The following RNF4 variants were observed in gnomAD, a reference collection of about 807,000 sequenced individuals.
RNF4 encodes the protein E3 ubiquitin-protein ligase RNF4.
Under a neutral mutation model 24.3 loss-of-function variants are expected in RNF4, and 7 were observed. The ratio of observed to expected loss-of-function variants is 0.29; its 90% confidence interval spans 0.16 to 0.54. The LOEUF is 0.54. Ranked by LOEUF, RNF4 falls within the 20% of genes least tolerant of loss-of-function variation. The pLI is 0.95. For missense variants in RNF4, 209 were observed against 248.5 expected, an observed-to-expected ratio of 0.84 and a Z score of 1.07; for synonymous variants, 83 against 84.3, an observed-to-expected ratio of 0.98 and a Z score of 0.09.
At chr4:2,495,181 C>T (rs547298384) in intron 2 of RNF4, among the ~76,000 whole-genome samples, 2 of 152,264 alleles carry the variant, frequency 1.3e-5, no homozygotes, top group South Asian at 4.1e-4. Flanking sequence ...GTTCTGTGCT[C>T]CTTAGTCCGT....
At chr4:2,504,587 G>A (rs562545872) in intron 4 of RNF4, among the ~76,000 whole-genome samples, 1 of 150,900 alleles carries the variant, frequency 6.6e-6, no homozygotes, top group African/African-American at 2.4e-5. Flanking sequence ...GTCTTGCACT[G>A]TTACCCAGGC....
intron 3 of RNF4, among the ~76,000 whole-genome samples, chr4:2,498,597 A>T (rs562820700): frequency 1.8e-4 from 27 of 152,344 alleles, no homozygotes; most frequent in Non-Finnish European, 3.8e-4. Context: ...CTTTTTAATA[A>T]AGAATGCAAT....
intron 1 of RNF4, among the ~76,000 whole-genome samples, chr4:2,482,363 A>G (rs1735268838): frequency 6.6e-6 from 1 of 152,222 alleles, no homozygotes. Flanking sequence ...CTCAGTGGCC[A>G]TCAACACCAG....
In RNF4 at chr4:2,497,046, C is replaced by G; in HGVS notation, c.49C>G (p.Gln17Glu). ...RGGAINSRQA[Q>E]KRTREATSTP... is the part of the protein sequence containing the mutation. ...TGGAGCAATAAATTCTAGACAAGCTCAGAAGCGAACTCGGGAAGCAACCTC... is the reference window on the plus strand; with the variant it reads ...TGGAGCAATAAATTCTAGACAAGCTGAGAAGCGAACTCGGGAAGCAACCTC... The change falls in exon 3 of 8, where the codon CAG becomes GAG. Residue 17 changes from glutamine to glutamate, a missense_variant. This residue lies in a region of RNF4 where 182 missense variants were observed against 197.2 expected (regional missense o/e 0.92). Coordinates refer to ENST00000314289, the MANE Select transcript of RNF4 (RefSeq NM_002938.5). 6.2e-7 allele frequency: 1 copy of G among 1,608,108 alleles called. No individual in the cohort carries two copies. Among genetic ancestry groups the G allele is most frequent in the Non-Finnish European group, 8.5e-7 (1 of 1,177,410 alleles).
intron 4 of RNF4, among the ~76,000 whole-genome samples, chr4:2,501,038 A>G (rs1478873179): frequency 1.3e-5 from 2 of 152,230 alleles, no homozygotes; most frequent in African/African-American, 4.8e-5. Context: ...ACACCTGGGC[A>G]CAAAAGTGGT....
At position 2,484,067 on chromosome 4, in the gene RNF4, T is replaced by TCCCCAC. The variant is rs1553877532; in HGVS notation, c.-157-6266_-157-6265insACCCCC. ...GTCTCGAACTCCTGGCCTCAGGTGA[T>TCCCCAC]CCCCCCCCGCCTCGGCCTCCCAAAG... On this transcript the variant is annotated intron_variant, in intron 1 of 7. Coordinates refer to ENST00000314289, the MANE Select transcript of RNF4 (RefSeq NM_002938.5). Among the ~76,000 whole-genome samples, 98 of 13,282 alleles carry TCCCCAC rather than the reference T, an allele frequency of 7.4e-3. 34 individuals carry two copies. Among genetic ancestry groups the TCCCCAC allele is most frequent in the African/African-American group, 0.027 (82 of 3,058 alleles). The allele number at this position is 13,282 out of a possible 152,430, so 8.7% of individuals were successfully genotyped here. A position where few individuals can be genotyped will look rare whatever the true frequency, so the allele number is the denominator to read the frequency against.
At chr4:2,513,517 C>T (rs956156838) in intron 7 of RNF4, among the ~76,000 whole-genome samples, 153 bp from the exon 8 acceptor site, 18 of 152,214 alleles carry the variant, frequency 1.2e-4, no homozygotes, top group Non-Finnish European at 2.4e-4. Context: ...CCACAGCAGA[C>T]ACAGTTAGCT....
chr4:2,513,078 C>T lies in RNF4; in HGVS notation c.375-5C>T. ...AGAAACTAACGTGAAGCACTGTGCT[C>T]TTAGGCCCTCAGGTACTGTCAGTTG... On this transcript the variant is annotated splice_polypyrimidine_tract_variant and splice_region_variant and intron_variant, in intron 6 of 7. Transcript: ENST00000314289. 6.2e-7 allele frequency: 1 copy of T among 1,613,740 alleles called. No individual in the cohort carries two copies. Among genetic ancestry groups the T allele is most frequent in the Admixed American group, 1.7e-5 (1 of 60,008 alleles).
chr4:2,475,331 T>G (rs964692901), intron 1 of RNF4, among the ~76,000 whole-genome samples: 5 of 146,502 alleles, frequency 3.4e-5, no homozygotes, highest in African/African-American at 1.0e-4. Flanking sequence ...GCACCTGGCT[T>G]TTTGTTTGTT....
intron 4 of RNF4, among the ~76,000 whole-genome samples, chr4:2,508,792 A>T (rs1464042518): frequency 1.3e-5 from 2 of 148,850 alleles, no homozygotes; most frequent in Non-Finnish European, 3.0e-5. Flanking sequence ...TTGTGTTTTT[A>T]GTAGAGGCGG....
chr4:2,473,440 GGGTGACTTTGA>G (rs1370676632), intron 1 of RNF4, among the ~76,000 whole-genome samples: 1 of 152,152 alleles, frequency 6.6e-6, no homozygotes, highest in Non-Finnish European at 1.5e-5. Context: ...TGACCCTCAT[GGGTGACTTTGA>G]GGGGTTCTAG....
intron 4 of RNF4, among the ~76,000 whole-genome samples, chr4:2,502,485 A>G (rs1027723307): frequency 6.6e-6 from 1 of 152,122 alleles, no homozygotes; most frequent in African/African-American, 2.4e-5. Flanking sequence ...GGAGTTTGAC[A>G]TCAGCCTGGC....
At chr4:2,504,017 G>C (rs569061030) in intron 4 of RNF4, among the ~76,000 whole-genome samples, 29 of 152,222 alleles carry the variant, frequency 1.9e-4, no homozygotes, top group African/African-American at 6.7e-4. Flanking sequence ...AGGAGTTCAA[G>C]GCAAGCCTGG....
intron 6 of RNF4, 77 bp from the exon 7 acceptor site, chr4:2,513,005 TA>T (rs936230656): frequency 4.4e-6 from 6 of 1,363,832 alleles, no homozygotes; most frequent in African/African-American, 4.3e-5. Context: ...TTGTAGGGGA[TA>T]GGGGCCACTC....
intron 1 of RNF4, among the ~76,000 whole-genome samples, chr4:2,470,662 A>T (rs1315711660): frequency 6.6e-6 from 1 of 152,226 alleles, no homozygotes; most frequent in East Asian, 1.9e-4. Flanking sequence ...AAAATGAGTA[A>T]GATTTTTCAC....
chr4:2,512,661 C>G lies in RNF4; in HGVS notation c.374+64C>G, dbSNP rs1245517213. On this transcript the variant is annotated intron_variant, in intron 6 of 7. Transcript: ENST00000314289. This position sits in a 1 kb window ranked among gnomAD's most constrained non-coding sequence, Gnocchi z 4.1. ...GATGTGGGGCCAGGGCATGGGAATA[C>G]TTTTCAGCAAATCTGTGAGCCCTTG... 6.4e-7 allele frequency: 1 copy of G among 1,571,484 alleles called. No individual in the cohort carries two copies. Among genetic ancestry groups the G allele is most frequent in the Non-Finnish European group, 8.7e-7 (1 of 1,155,844 alleles).
intron 2 of RNF4, 114 bp from the exon 3 acceptor site, chr4:2,496,893 A>G (rs1455514600): frequency 4.3e-6 from 3 of 692,428 alleles, no homozygotes; most frequent in East Asian, 2.8e-5. Context: ...CCTAACTTCA[A>G]GTCTACTCGC....
intron 4 of RNF4, among the ~76,000 whole-genome samples, chr4:2,502,959 T>C (rs1194942399): frequency 6.6e-6 from 1 of 152,106 alleles, no homozygotes; most frequent in Non-Finnish European, 1.5e-5. Context: ...TAAGTGATTC[T>C]CCCACATTAT....
chr4:2,497,057 T>A lies in RNF4; in HGVS notation c.60T>A (p.Thr20=). 1 of 1,609,454 alleles carries A rather than the reference T, an allele frequency of 6.2e-7. No homozygotes were observed. Among genetic ancestry groups the A allele is most frequent in the Non-Finnish European group, 8.5e-7 (1 of 1,178,064 alleles). The change falls in exon 3 of 8, where the codon ACT becomes ACA. Residue 20 remains threonine (T), a synonymous_variant. Coordinates refer to ENST00000314289, the MANE Select transcript of RNF4 (RefSeq NM_002938.5). ...AINSRQAQKR[T]REATSTPEIS... ...ATTCTAGACAAGCTCAGAAGCGAAC[T>A]CGGGAAGCAACCTCCACCCCCGAGA...
Sources: gnomAD v4.1 joint callset for allele counts (sites outside exome capture counted in the v4.1 genomes callset) on GRCh38, gnomAD v4.1.1 for gene constraint, gnomAD v4.1.1 regional missense constraint, Gnocchi (gnomAD v3.1) non-coding constraint, MANE v1.5 for transcripts, NCBI Gene and HGNC (gene_info 2026-07-23, HGNC 2026-07-21) for gene names.